PRKD1: variants seen among roughly 807,000 people sequenced by gnomAD.
The protein encoded by PRKD1 is serine/threonine-protein kinase D1.
PRKD1 carries 63 observed loss-of-function variants against 95.9 expected under a neutral mutation model. The observed-to-expected ratio is 0.66, with a 90% CI of 0.54 to 0.81. The LOEUF is 0.81. Ranked by LOEUF, PRKD1 falls within the 30% of genes least tolerant of loss-of-function variation. PRKD1 has a pLI of 0.00. For synonymous variants in PRKD1, 425 were observed against 423.1 expected (o/e 1.00, Z -0.05); for missense variants, 1,048 against 1,165.3 (o/e 0.90, Z 1.47).
intron 1 of PRKD1, among the ~76,000 whole-genome samples, chr14:29,812,607 G>A (rs1485698373): frequency 2.0e-5 from 3 of 152,176 alleles, no homozygotes; most frequent in Non-Finnish European, 4.4e-5. Flanking sequence ...CAAGGAGGCA[G>A]GAGAAGAAGT....
intron 1 of PRKD1, among the ~76,000 whole-genome samples, chr14:29,907,696 G>A (rs888339618): frequency 1.3e-5 from 2 of 152,098 alleles, no homozygotes; most frequent in African/African-American, 4.8e-5. Flanking sequence ...GCAAAAGAAA[G>A]GACTTTTAGT....
At chr14:29,706,567 C>A (rs1450750923) in intron 2 of PRKD1, among the ~76,000 whole-genome samples, 2 of 152,020 alleles carry the variant, frequency 1.3e-5, no homozygotes, top group Non-Finnish European at 2.9e-5. Flanking sequence ...TTAATATATT[C>A]AAAAATAATT....
intron 1 of PRKD1, among the ~76,000 whole-genome samples, chr14:29,752,419 C>G (rs1214466264): frequency 6.6e-6 from 1 of 152,010 alleles, no homozygotes; most frequent in Non-Finnish European, 1.5e-5. Context: ...ATGACATAAC[C>G]AGTGGAAGTA....
In PRKD1 at chr14:29,597,683, CG is replaced by C. The variant is rs1893359411; in HGVS notation, c.2241del (p.Ala748LeufsTer8). 6 of 1,613,854 alleles carry C rather than the reference CG, an allele frequency of 3.7e-6. No individual in the cohort carries two copies. Among genetic ancestry groups the C allele is most frequent in the Non-Finnish European group, 5.1e-6 (6 of 1,179,896 alleles). On this transcript the variant is annotated frameshift_variant, in exon 16 of 18. Transcript: ENST00000331968. LOFTEE classifies it high-confidence loss of function. ...KSFRRSVVGT[P>X]AYLAPEVLRN... ...CTTAGGACCTCAGGAGCCAGGTAAG[CG>C]GGGGTACCCACCACTGACCTCCGGA...
At chr14:29,849,206 G>A (rs1474283771) in intron 1 of PRKD1, among the ~76,000 whole-genome samples, 1 of 152,104 alleles carries the variant, frequency 6.6e-6, no homozygotes, top group Non-Finnish European at 1.5e-5. Context: ...TTATTTAAAA[G>A]TGTGTGGCAC....
intron 2 of PRKD1, among the ~76,000 whole-genome samples, chr14:29,675,978 G>T (rs546400542): frequency 8.7e-6 from 1 of 115,568 alleles, no homozygotes; most frequent in African/African-American, 3.2e-5. Flanking sequence ...GGGGCCTGTC[G>T]TGGGGTGGGG....
At chr14:29,794,064 T>A (rs1194657930) in intron 1 of PRKD1, among the ~76,000 whole-genome samples, 1 of 152,132 alleles carries the variant, frequency 6.6e-6, no homozygotes, top group East Asian at 1.9e-4. Flanking sequence ...TGCCATAGAA[T>A]GTAGATTTAT....
At chr14:29,741,200 A>G (rs1886966475) in intron 1 of PRKD1, among the ~76,000 whole-genome samples, 1 of 152,200 alleles carries the variant, frequency 6.6e-6, no homozygotes, top group South Asian at 2.1e-4. Context: ...TTTATACAAC[A>G]AACTTTCATA....
intron 1 of PRKD1, among the ~76,000 whole-genome samples, chr14:29,860,575 GCTGATACAGGAAGATA>G (rs1358772667): frequency 2.0e-5 from 3 of 152,178 alleles, no homozygotes; most frequent in East Asian, 3.8e-4. Flanking sequence ...GTTGCCCAGA[GCTGATACAGGAAGATA>G]CTTGTTTTAC....
chr14:29,667,276 G>A (rs765528852), intron 2 of PRKD1, among the ~76,000 whole-genome samples: 1 of 152,146 alleles, frequency 6.6e-6, no homozygotes, highest in Non-Finnish European at 1.5e-5. Context: ...CAGTCTGTCT[G>A]ATGATGACTT....
chr14:29,577,593 C>T (rs1566461765), intron 17 of PRKD1, 137 bp from the exon 18 acceptor site: 1 of 820,548 alleles, frequency 1.2e-6, no homozygotes, highest in Non-Finnish European at 2.0e-6. Flanking sequence ...CATCACGCAT[C>T]CTCAAGTGAC....
chr14:29,865,328 G>A (rs1042742156), intron 1 of PRKD1, among the ~76,000 whole-genome samples: 1 of 152,082 alleles, frequency 6.6e-6, no homozygotes, highest in African/African-American at 2.4e-5. Flanking sequence ...GTGCAAATAA[G>A]GAAATCAAAA....
chr14:29,632,524 A>G (rs1413067500), intron 9 of PRKD1, among the ~76,000 whole-genome samples: 1 of 152,104 alleles, frequency 6.6e-6, no homozygotes, highest in Non-Finnish European at 1.5e-5. Context: ...GATGCAGTGG[A>G]TATCAGGAGT....
chr14:29,711,481 A>C (rs1476153700), intron 2 of PRKD1, among the ~76,000 whole-genome samples: 33 of 152,184 alleles, frequency 2.2e-4, no homozygotes, highest in Admixed American at 2.2e-3. Context: ...CTTTTCCTTC[A>C]TTGGTGGTTA....
At chr14:29,597,366 C>G (rs1420426612) in intron 16 of PRKD1, 125 bp downstream of exon 16, 2 of 1,021,430 alleles carry the variant, frequency 2.0e-6, no homozygotes, top group African/African-American at 3.2e-5. Context: ...CTTTGTGTCT[C>G]CACTCTGGTG....
Position 29,628,937 on chromosome 14 carries a change from A to G in PRKD1, c.1725+104T>C, listed in dbSNP as rs45442098. 1,456 of 828,604 alleles carry G rather than the reference A, an allele frequency of 1.8e-3. 12 individuals carry two copies. In the African/African-American group the frequency reaches 0.018, roughly 10 times the overall value. The allele number at this position is 828,604 out of a possible 1,614,324, so 51.3% of individuals were successfully genotyped here. On this transcript the variant is annotated intron_variant, in intron 11 of 17. Transcript: ENST00000331968. ...ATATCCAAATTCTATTTTGCTTTCC[A>G]AAATTTACTAAAAAATTAAAATGAA... is the stretch of plus-strand genomic sequence containing the variant.
intron 4 of PRKD1, among the ~76,000 whole-genome samples, chr14:29,649,079 G>A (rs993907292): frequency 6.6e-6 from 1 of 152,116 alleles, no homozygotes; most frequent in African/African-American, 2.4e-5. Context: ...TGCTGTAGTT[G>A]GGCTGCCTTA....
intron 12 of PRKD1, among the ~76,000 whole-genome samples, chr14:29,624,512 G>C (rs1879487507): frequency 6.6e-6 from 1 of 151,788 alleles, no homozygotes; most frequent in African/African-American, 2.4e-5. Context: ...TCAACACCCT[G>C]TTTTTTTCAT....
At chr14:29,694,877 G>A (rs747181309) in intron 2 of PRKD1, among the ~76,000 whole-genome samples, 16 of 152,156 alleles carry the variant, frequency 1.1e-4, no homozygotes, top group Non-Finnish European at 1.5e-4. Flanking sequence ...CAGGCTTGGT[G>A]TATTCAAGGA....
Sources: allele counts gnomAD v4.1 joint callset (sites outside exome capture counted in the v4.1 genomes callset), GRCh38; gene constraint gnomAD v4.1.1; transcripts MANE v1.5; gene names NCBI Gene and HGNC (gene_info 2026-07-23, HGNC 2026-07-21).